Variants in ZNF366 observed in about 807,000 individuals in gnomAD.
ZNF366 encodes the protein zinc finger protein 366.
A neutral mutation model predicts 47.2 loss-of-function variants in ZNF366; 20 were observed. The ratio of observed to expected loss-of-function variants is 0.42; its 90% confidence interval spans 0.30 to 0.62. ZNF366 has a LOEUF of 0.62. ZNF366 is among the 20% of genes least tolerant of loss of function. ZNF366 has a pLI of 0.16. For synonymous variants in ZNF366, 421 were observed against 395.1 expected, an observed-to-expected ratio of 1.07 and a Z score of -0.78; for missense variants, 987 against 976.3, an observed-to-expected ratio of 1.01 and a Z score of -0.15.
chr5:72,458,294 G>A (rs972041629), intron 2 of ZNF366, among the ~76,000 whole-genome samples: 2 of 152,148 alleles, frequency 1.3e-5, no homozygotes, highest in Admixed American at 1.3e-4. Context: ...GGGATTACAG[G>A]CGTGAGCCAC....
At position 72,440,893 on chromosome 5, in the gene ZNF366, A is replaced by G. The variant is rs1742844788; in HGVS notation, c.*2863T>C. The G allele has an allele frequency of 6.6e-6, 1 of 152,108 alleles. No individual in the cohort carries two copies. Among genetic ancestry groups the G allele is most frequent in the Admixed American group, 6.5e-5 (1 of 15,284 alleles). The allele number at this position is 152,108 out of a possible 1,614,324, so 9.4% of individuals were successfully genotyped here. A position where few individuals can be genotyped will look rare whatever the true frequency, so the allele number is the denominator to read the frequency against. ...TTATGCCCAGAGTCAACAACTAAAAACAGGCCCTGGAATACACTCCATAAC... is the reference window on the plus strand; with the variant it reads ...TTATGCCCAGAGTCAACAACTAAAAGCAGGCCCTGGAATACACTCCATAAC... On this transcript the variant is annotated 3_prime_UTR_variant, in exon 5 of 5. Transcript: ENST00000318442.
chr5:72,488,997 G>A (rs1423629775), intron 1 of ZNF366, among the ~76,000 whole-genome samples: 2 of 152,172 alleles, frequency 1.3e-5, no homozygotes, highest in African/African-American at 4.8e-5. Context: ...GGCAGGCATG[G>A]CACATGACTT....
In ZNF366 at chr5:72,461,310, C is replaced by T; in HGVS notation, c.187G>A (p.Asp63Asn). The T allele has an allele frequency of 6.2e-7, 1 of 1,614,086 alleles. No homozygotes were observed. Among genetic ancestry groups the T allele is most frequent in the Non-Finnish European group, 8.5e-7 (1 of 1,180,018 alleles). Residue 63 changes from aspartate (D) to asparagine (N), a missense_variant, in exon 2 of 5, where the codon GAC becomes AAC. By Grantham distance (23) the Asp-to-Asn change is conservative (BLOSUM62 1). Coordinates refer to ENST00000318442, the MANE Select transcript of ZNF366 (RefSeq NM_152625.3). ...AAGACCCCGGGGAACCCATCTAGGT[C>T]TCCTGGGGGAGGTTCATACCGAAAC... ...SQFRYEPPPGDLDGFPGVFEG... is the reference protein window; with the variant it reads ...SQFRYEPPPGNLDGFPGVFEG...
At chr5:72,451,377 G>A (rs1032786945) in intron 3 of ZNF366, among the ~76,000 whole-genome samples, 3 of 152,354 alleles carry the variant, frequency 2.0e-5, no homozygotes, top group South Asian at 2.1e-4. Flanking sequence ...CCCTTTAAAC[G>A]TGGGTTGCAT....
At chr5:72,450,117 T>G (rs1181130790) in intron 3 of ZNF366, among the ~76,000 whole-genome samples, 1 of 152,232 alleles carries the variant, frequency 6.6e-6, no homozygotes, top group Non-Finnish European at 1.5e-5. Flanking sequence ...GATGGAATTT[T>G]AGCCTAACTG....
chr5:72,497,468 T>TA (rs1298424797), intron 1 of ZNF366, among the ~76,000 whole-genome samples: 10 of 152,188 alleles, frequency 6.6e-5, no homozygotes, highest in African/African-American at 2.4e-4. Context: ...TGGACTCTAT[T>TA]ATGTTCCCTC....
chr5:72,458,068 G>C (rs1189457763), intron 2 of ZNF366, among the ~76,000 whole-genome samples: 2 of 136,572 alleles, frequency 1.5e-5, no homozygotes, highest in Non-Finnish European at 3.0e-5. Context: ...CCAGGCTGGA[G>C]TGCAGTGGCG....
chr5:72,467,017 A>T (rs138074098), intron 1 of ZNF366, among the ~76,000 whole-genome samples: 258 of 152,372 alleles, frequency 1.7e-3, no homozygotes, highest in African/African-American at 5.9e-3. Flanking sequence ...AGACTCCTGG[A>T]CTGAGAAAGG....
chr5:72,470,272 C>G (rs868556679), intron 1 of ZNF366, among the ~76,000 whole-genome samples: 1 of 152,094 alleles, frequency 6.6e-6, no homozygotes, highest in Non-Finnish European at 1.5e-5. Context: ...TTGCCATGGC[C>G]CCACCAGATG....
At chr5:72,463,326 A>G (rs1276016531) in intron 1 of ZNF366, among the ~76,000 whole-genome samples, 2 of 152,204 alleles carry the variant, frequency 1.3e-5, no homozygotes, top group African/African-American at 4.8e-5. Context: ...AGACAATCCA[A>G]TGAGGAAAAA....
Position 72,444,249 on chromosome 5 carries a change from A to G in ZNF366, c.1742T>C (p.Val581Ala). ...GRIALAQTAG[V>A]LRSLEQEEPF... ...CTCCTCCTGCTCCAGACTCCTCAGG[A>G]CACCGGCTGTCTGTGCCAGGGCGAT... The change falls in exon 5 of 5, where the codon GTC (valine) becomes GCC (alanine). Residue 581 changes from valine to alanine, a missense_variant. Physicochemically the swap from Val to Ala is moderately conservative, Grantham distance 64. Coordinates refer to ENST00000318442, the MANE Select transcript of ZNF366 (RefSeq NM_152625.3). 2 of 1,613,404 alleles carry G rather than the reference A, an allele frequency of 1.2e-6. No individual in the cohort carries two copies. The highest frequency in any genetic ancestry group is 1.7e-6 in the Non-Finnish European group (2 of 1,179,976).
rs534683880 is a variant in ZNF366 at position 72,489,838 on chromosome 5, A to G, written c.-15+17413T>C. Among the ~76,000 whole-genome samples, 330 of 152,380 alleles carry G rather than the reference A, an allele frequency of 2.2e-3. 2 individuals carry two copies. Among genetic ancestry groups the G allele is most frequent in the Non-Finnish European group, 3.3e-3 (223 of 68,036 alleles). The stretch of plus-strand genomic sequence containing the variant: ...GTCTTCTCAAGGGAATCAGCCAGAA[A>G]GTAAAACCCATGACCTCTGAAAATT... On this transcript the variant is annotated intron_variant, in intron 1 of 4. Transcript: ENST00000318442.
At chr5:72,489,550 T>C (rs1211018564) in intron 1 of ZNF366, among the ~76,000 whole-genome samples, 1 of 152,222 alleles carries the variant, frequency 6.6e-6, no homozygotes, top group Non-Finnish European at 1.5e-5. Flanking sequence ...GCTAAGTAAA[T>C]GTTTGTTCTT....
intron 1 of ZNF366, among the ~76,000 whole-genome samples, chr5:72,492,936 T>C (rs1744041452): frequency 6.6e-6 from 1 of 152,206 alleles, no homozygotes; most frequent in South Asian, 2.1e-4. Context: ...TTGTGATACA[T>C]CTAGCAGATA....
At chr5:72,459,274 T>C (rs1200086952) in intron 2 of ZNF366, among the ~76,000 whole-genome samples, 1 of 152,214 alleles carries the variant, frequency 6.6e-6, no homozygotes, top group Non-Finnish European at 1.5e-5. Context: ...AAACTCTGGC[T>C]TGCTAGAAGT....
At position 72,457,826 on chromosome 5, in the gene ZNF366, T is replaced by C. The variant is rs569816950; in HGVS notation, c.1333-1231A>G. On this transcript the variant is annotated intron_variant, in intron 2 of 4. Transcript: ENST00000318442. ...AAGCACTGTCTAGTCCAGATGATGGTACATGAGTATGCATTTATGTTAATA... is the reference window on the plus strand; with the variant it reads ...AAGCACTGTCTAGTCCAGATGATGGCACATGAGTATGCATTTATGTTAATA... Among the ~76,000 whole-genome samples the C allele has an allele frequency of 1.2e-3, 186 of 152,142 alleles. 1 individual carries two copies. The highest frequency in any genetic ancestry group is 2.4e-3 in the Non-Finnish European group (160 of 68,008).
intron 1 of ZNF366, among the ~76,000 whole-genome samples, chr5:72,466,689 A>T (rs1056442649): frequency 2.0e-4 from 31 of 152,350 alleles, no homozygotes; most frequent in African/African-American, 6.0e-4. Context: ...TCTCCCATGA[A>T]GTTTTAAAAG....
chr5:72,488,084 T>C (rs886575905), intron 1 of ZNF366, among the ~76,000 whole-genome samples: 9 of 151,936 alleles, frequency 5.9e-5, no homozygotes. Flanking sequence ...CATGCACACC[T>C]ATAGTCCCAG....
intron 1 of ZNF366, among the ~76,000 whole-genome samples, chr5:72,476,396 G>T (rs1389639885): frequency 6.6e-6 from 1 of 152,084 alleles, no homozygotes; most frequent in Non-Finnish European, 1.5e-5. Flanking sequence ...AGTACTGTAG[G>T]GAGTACTCAG....
Sources: gnomAD v4.1 joint callset for allele counts (sites outside exome capture counted in the v4.1 genomes callset) on GRCh38, gnomAD v4.1.1 for gene constraint, MANE v1.5 for transcripts, NCBI Gene and HGNC (gene_info 2026-07-23, HGNC 2026-07-21) for gene names.